The following COX10 variants were observed in gnomAD, a reference collection of about 807,000 sequenced individuals.
COX10 encodes cytochrome c oxidase assembly factor heme A:farnesyltransferase COX10, also known as protoheme IX farnesyltransferase, mitochondrial.
In COX10, 27 loss-of-function variants were observed where a neutral mutation model predicts 37.3. The observed-to-expected ratio is 0.72, with a 90% confidence interval of 0.53 to 1.00. The LOEUF (loss-of-function observed/expected upper bound fraction) is 1.00, where lower values mean the gene tolerates loss of function less well. Ranked by LOEUF, COX10 falls within the 50% of genes least tolerant of loss-of-function variation. The pLI is 0.00. For synonymous variants in COX10, 222 were observed against 229.1 expected, an observed-to-expected ratio of 0.97 and a Z score of 0.28; for missense variants, 475 against 563.2, an observed-to-expected ratio of 0.84 and a Z score of 1.59.
chr17:14,205,214 A>G (rs1906660223), intron 6 of COX10, among the ~76,000 whole-genome samples: 1 of 152,026 alleles, frequency 6.6e-6, no homozygotes, highest in South Asian at 2.1e-4. Context: ...ACACGTGTTA[A>G]TCTTCTTTTT....
At position 14,119,264 on chromosome 17, in the gene COX10, G is replaced by A. The variant is rs1359391149; in HGVS notation, c.624+17022G>A. Reference sequence around the variant, plus strand: ...ATATCTCCTACCTAATGTTTATGGAGAGTTCATCTGCTCTGAGGTTACATT... The same window carrying A: ...ATATCTCCTACCTAATGTTTATGGAAAGTTCATCTGCTCTGAGGTTACATT... On this transcript the variant is annotated intron_variant, in intron 4 of 6. Coordinates refer to ENST00000261643, the MANE Select transcript of COX10 (RefSeq NM_001303.4). Among the ~76,000 whole-genome samples the A allele has an allele frequency of 2.6e-5, 4 of 152,146 alleles. No individual in the cohort carries two copies. In the East Asian group the frequency reaches 7.7e-4, roughly 29 times the overall value.
intron 5 of COX10, chr17:14,182,363 A>C: frequency 1.1e-6 from 1 of 917,768 alleles, no homozygotes; most frequent in Non-Finnish European, 1.3e-6. Flanking sequence ...ATTATGCCAA[A>C]TATATTTTCT....
intron 4 of COX10, among the ~76,000 whole-genome samples, chr17:14,134,454 T>C (rs1226989177): frequency 2.0e-5 from 3 of 151,856 alleles, no homozygotes; most frequent in Admixed American, 2.0e-4. Context: ...TTTTAATGGT[T>C]GTTCACATTG....
In COX10 at chr17:14,117,280, A is replaced by G. The variant is rs114961779; in HGVS notation, c.624+15038A>G. ...ATATGGAGGCTTTACATTTCAAAATATCAAATCTGTTGTTTTGTAGTTTCT... is the reference window on the plus strand; with the variant it reads ...ATATGGAGGCTTTACATTTCAAAATGTCAAATCTGTTGTTTTGTAGTTTCT... On this transcript the variant is annotated intron_variant, in intron 4 of 6. Coordinates refer to ENST00000261643, the MANE Select transcript of COX10 (RefSeq NM_001303.4). 7.5e-3 allele frequency among the ~76,000 whole-genome samples: 1,149 copies of G among 152,308 alleles called. 14 individuals are homozygous for G. The highest frequency in any genetic ancestry group is 0.026 in the African/African-American group (1,082 of 41,580).
chr17:14,070,903 A>G (rs1165148562), intron 1 of COX10, among the ~76,000 whole-genome samples: 1 of 152,146 alleles, frequency 6.6e-6, no homozygotes, highest in Non-Finnish European at 1.5e-5. Flanking sequence ...TAAAGTGGAG[A>G]GGTAGAATAG....
At chr17:14,197,976 C>A (rs1906417922) in intron 6 of COX10, among the ~76,000 whole-genome samples, 1 of 152,196 alleles carries the variant, frequency 6.6e-6, no homozygotes, top group Non-Finnish European at 1.5e-5. Context: ...TGCCTAATTA[C>A]CTTATCTTAA....
At chr17:14,105,697 C>T (rs1396404799) in intron 4 of COX10, among the ~76,000 whole-genome samples, 1 of 152,060 alleles carries the variant, frequency 6.6e-6, no homozygotes, top group Non-Finnish European at 1.5e-5. Context: ...ATAACAATAA[C>T]AAATTTTATT....
chr17:14,103,616 A>G (rs1915833220), intron 4 of COX10, among the ~76,000 whole-genome samples: 1 of 152,160 alleles, frequency 6.6e-6, no homozygotes, highest in Admixed American at 6.5e-5. Flanking sequence ...AAAAAATAAG[A>G]GTTGTTTGAG....
intron 3 of COX10, among the ~76,000 whole-genome samples, chr17:14,101,020 A>G (rs1915765834): frequency 6.6e-6 from 1 of 152,168 alleles, no homozygotes; most frequent in South Asian, 2.1e-4. Context: ...GACAATGCTA[A>G]ATGTCCCCTG....
At position 14,118,663 on chromosome 17, in the gene COX10, G is replaced by A. The variant is rs144173479; in HGVS notation, c.624+16421G>A. On this transcript the variant is annotated intron_variant, in intron 4 of 6. Transcript: ENST00000261643. The stretch of plus-strand genomic sequence containing the variant: ...TCCATTTCAGAAGTACTATAATGTA[G>A]GGGAGTAAAGGCATAAAAATTTTAT... Among the ~76,000 whole-genome samples the A allele has an allele frequency of 2.6e-5, 4 of 152,208 alleles. No individual in the cohort carries two copies. In the East Asian group the frequency reaches 7.7e-4, roughly 29 times the overall value.
Position 14,113,651 on chromosome 17 carries a change from G to A in COX10, c.624+11409G>A, listed in dbSNP as rs371941145. ...TAATTGTGTCTTCTTGAATTATATC[G>A]TAAAAGAGCTCATTGTTTTTAAATT... On this transcript the variant is annotated intron_variant, in intron 4 of 6. Transcript: ENST00000261643. 5.9e-5 allele frequency among the ~76,000 whole-genome samples: 9 copies of A among 152,024 alleles called. No individual in the cohort carries two copies. The East Asian group carries it at 1.5e-3, about 26-fold the overall frequency.
At position 14,172,584 on chromosome 17, in the gene COX10, T is replaced by C. The variant is rs1228619329; in HGVS notation, c.695+12637T>C. 4.8e-5 allele frequency among the ~76,000 whole-genome samples: 7 copies of C among 144,790 alleles called. No individual in the cohort carries two copies. In the East Asian group the frequency reaches 7.9e-4, roughly 16 times the overall value. The allele number at this position is 144,790 out of a possible 152,430, so 95.0% of individuals were successfully genotyped here. A position where few individuals can be genotyped will look rare whatever the true frequency, so the allele number is the denominator to read the frequency against. ...GTCTTCTTTTTTTCTTTTTCTTTTT[T>C]TTTTTTTTTTTTTTGAGACAGGTCT... On this transcript the variant is annotated intron_variant, in intron 5 of 6. Transcript: ENST00000261643.
chr17:14,141,551 AAAAGAAG>A (rs1904543820), intron 4 of COX10, among the ~76,000 whole-genome samples: 1 of 151,356 alleles, frequency 6.6e-6, no homozygotes, highest in African/African-American at 2.4e-5. Flanking sequence ...AAAAAAAAAA[AAAAGAAG>A]ACTACCTTTT....
At chr17:14,098,196 G>T (rs948841071) in intron 3 of COX10, among the ~76,000 whole-genome samples, 1 of 152,090 alleles carries the variant, frequency 6.6e-6, no homozygotes, top group East Asian at 1.9e-4. Context: ...TGTGTTCAAG[G>T]CCTTAAAATA....
In COX10 at chr17:14,129,483, C is replaced by T. The variant is rs1028290606; in HGVS notation, c.624+27241C>T. The stretch of plus-strand genomic sequence containing the variant: ...CACATTCTGTCTGAATCAGTTAAAA[C>T]TTCCCGTAGTATTTATGTCTTTTGT... On this transcript the variant is annotated intron_variant, in intron 4 of 6. Coordinates refer to ENST00000261643, the MANE Select transcript of COX10 (RefSeq NM_001303.4). Among the ~76,000 whole-genome samples, 14 of 152,172 alleles carry T rather than the reference C, an allele frequency of 9.2e-5. No homozygotes were observed. The East Asian group carries it at 1.5e-3, about 17-fold the overall frequency.
At chr17:14,176,544 G>C (rs990542991) in intron 5 of COX10, among the ~76,000 whole-genome samples, 2 of 152,078 alleles carry the variant, frequency 1.3e-5, no homozygotes, top group Admixed American at 6.5e-5. Flanking sequence ...CTTTTCTTTT[G>C]TTCCCTCTTA....
At chr17:14,118,748 T>A (rs1181941034) in intron 4 of COX10, among the ~76,000 whole-genome samples, 2 of 152,150 alleles carry the variant, frequency 1.3e-5, no homozygotes, top group Non-Finnish European at 2.9e-5. Context: ...ATTTCAAAAA[T>A]TTAGATCTGT....
chr17:14,206,783 C>G, intron 6 of COX10, 27 bp from the exon 7 acceptor site: 1 of 1,612,952 alleles, frequency 6.2e-7, no homozygotes, highest in Non-Finnish European at 8.5e-7. Context: ...GCCTTTGTCT[C>G]CCTCTCCTTC....
At chr17:14,106,414 A>G (rs1298556704) in intron 4 of COX10, among the ~76,000 whole-genome samples, 1 of 152,196 alleles carries the variant, frequency 6.6e-6, no homozygotes, top group African/African-American at 2.4e-5. Flanking sequence ...GTTTTTGTCC[A>G]TGTAAACAAT....
Sources: gnomAD v4.1 joint callset for allele counts (sites outside exome capture counted in the v4.1 genomes callset) on GRCh38, gnomAD v4.1.1 for gene constraint, MANE v1.5 for transcripts, NCBI Gene and HGNC (gene_info 2026-07-23, HGNC 2026-07-21) for gene names.